Variants in TEPSIN observed in about 807,000 individuals in gnomAD.
The protein encoded by TEPSIN is AP-4 complex accessory subunit tepsin.
TEPSIN carries 50 observed loss-of-function variants against 48.5 expected under a neutral mutation model. The ratio of observed to expected loss-of-function variants is 1.03; its 90% CI spans 0.82 to 1.31. The LOEUF (loss-of-function observed/expected upper bound fraction) is 1.31, where lower values mean the gene tolerates loss of function less well. Among genes scored for constraint, TEPSIN ranks in the 50% most tolerant of loss-of-function variants. The pLI, the probability that TEPSIN is intolerant of heterozygous loss-of-function variation, is 0.00. For missense variants in TEPSIN, 838 were observed against 815.9 expected, an observed-to-expected ratio of 1.03 and a Z score of -0.33; for synonymous variants, 392 against 358.8, an observed-to-expected ratio of 1.09 and a Z score of -1.05.
In TEPSIN at chr17:81,233,425, C is replaced by T. The variant is rs750136632; in HGVS notation, c.526+7G>A. 3.7e-6 allele frequency: 6 copies of T among 1,610,140 alleles called. No individual in the cohort carries two copies. In the African/African-American group the frequency reaches 6.7e-5, roughly 18 times the overall value. On this transcript the variant is annotated splice_region_variant and intron_variant, in intron 7 of 12. Transcript: ENST00000637944. The surrounding 1 kb of genome is among the most constrained non-coding windows in gnomAD (Gnocchi z 5.8). ...TGCCAGAGCCCATGCAGGCCCTCCC[C>T]ACTCACCCGTGCGGCCGTGTTCCTT...
intron 4 of TEPSIN, 79 bp downstream of exon 4, chr17:81,236,629 C>T (rs1293535356): frequency 9.1e-6 from 13 of 1,425,546 alleles, no homozygotes; most frequent in Non-Finnish European, 1.3e-5. Flanking sequence ...AGTCTTCCTT[C>T]TCAAACCTGG....
chr17:81,230,285 G>A lies in TEPSIN; in HGVS notation c.1233+259C>T, dbSNP rs1215160360. On this transcript the variant is annotated intron_variant, in intron 12 of 12. Transcript: ENST00000637944. This position sits in a 1 kb window ranked among gnomAD's most constrained non-coding sequence, Gnocchi z 4.2. ...ACAAGGGCAGGAACATTAAGGCAGC[G>A]GAGTCTGGGGGCTTCCAGGAATAGG... is the stretch of plus-strand genomic sequence containing the variant. 6 of 498,880 alleles carry A rather than the reference G, an allele frequency of 1.2e-5. No homozygotes were observed. Among genetic ancestry groups the A allele is most frequent in the South Asian group, 7.6e-5 (3 of 39,312 alleles). The allele number at this position is 498,880 out of a possible 1,614,324, so 30.9% of individuals were successfully genotyped here.
chr17:81,237,170 G>A lies in TEPSIN; in HGVS notation c.122-99C>T, dbSNP rs1252248033. ...GGCCTCTCAGTTCACGCTCCCTGGA[G>A]GCGCCTACTGGAGGCTCTGCCATCA... On this transcript the variant is annotated intron_variant, in intron 2 of 12. Coordinates refer to ENST00000637944, the MANE Select transcript of TEPSIN (RefSeq NM_001363764.2). 3.0e-6 allele frequency: 4 copies of A among 1,324,138 alleles called. No individual in the cohort carries two copies. In the African/African-American group the frequency reaches 4.4e-5, roughly 15 times the overall value. 82.0% of individuals were successfully genotyped at this position (1,324,138 alleles called of 1,614,324 possible). A position where few individuals can be genotyped will look rare whatever the true frequency, so the allele number is the denominator to read the frequency against.
In TEPSIN at chr17:81,230,972, A is replaced by C; in HGVS notation, c.1099-294T>G. ...GAGCCATGTCCTCCCCGGCTCCTGG[A>C]CAGACCCCAGCGAGAAGCACGTGAC... On this transcript the variant is annotated intron_variant, in intron 11 of 12. Transcript: ENST00000637944. This position sits in a 1 kb window ranked among gnomAD's most constrained non-coding sequence, Gnocchi z 4.2. The C allele has an allele frequency of 2.0e-6, 1 of 492,196 alleles. No homozygotes were observed. Among genetic ancestry groups the C allele is most frequent in the Non-Finnish European group, 3.6e-6 (1 of 276,494 alleles). The allele number at this position is 492,196 out of a possible 1,614,324, so 30.5% of individuals were successfully genotyped here.
chr17:81,231,767 G>C (rs1007100019), intron 9 of TEPSIN, 76 bp from the exon 10 acceptor site: 31 of 1,606,394 alleles, frequency 1.9e-5, no homozygotes, highest in Non-Finnish European at 2.4e-5. Context: ...GGGAGAACCT[G>C]GAGAGCAGGA....
At chr17:81,237,613 C>T (rs577639993) in intron 1 of TEPSIN, 154 bp from the exon 2 acceptor site, 3 of 774,898 alleles carry the variant, frequency 3.9e-6, no homozygotes, top group Non-Finnish European at 6.0e-6. Context: ...CTACTGGCCA[C>T]AGGGAGGCTG....
At chr17:81,231,168 A>C (rs1270444140) in intron 11 of TEPSIN, 1 of 583,414 alleles carries the variant, frequency 1.7e-6, no homozygotes, top group Non-Finnish European at 3.0e-6. Flanking sequence ...ACACGTGCAC[A>C]AGTGTGTACA....
Position 81,229,285 on chromosome 17 carries a change from T to A in TEPSIN, c.1425A>T (p.Ser475=). The change falls in exon 13 of 13, where the codon TCA becomes TCT. Residue 475 remains serine, a synonymous_variant. Transcript: ENST00000637944. ...GCACAGGGCTGGACGGCATCCCAGATGAGGGAGCAGGGCTCCGGGACGAGA... is the reference window on the plus strand; with the variant it reads ...GCACAGGGCTGGACGGCATCCCAGAAGAGGGAGCAGGGCTCCGGGACGAGA... ...TPVSSRSPAP[S]SGMPSSPVPT... is the part of the protein sequence containing the mutation. 1.3e-6 allele frequency: 2 copies of A among 1,568,614 alleles called. No homozygotes were observed. The highest frequency in any genetic ancestry group is 1.7e-6 in the Non-Finnish European group (2 of 1,158,174).
rs780032018 is a variant in TEPSIN, at chr17:81,234,040, C to T, written c.316G>A (p.Gly106Arg). 2 of 1,591,704 alleles carry T rather than the reference C, an allele frequency of 1.3e-6. No individual in the cohort carries two copies. The highest frequency in any genetic ancestry group is 2.3e-5 in the South Asian group (2 of 87,972). The change falls in exon 5 of 13, where the codon GGG (glycine) becomes AGG (arginine). Residue 106 changes from glycine to arginine, a missense_variant. By Grantham distance (125) the Gly-to-Arg change is moderately radical (BLOSUM62 -2). Coordinates refer to ENST00000637944, the MANE Select transcript of TEPSIN (RefSeq NM_001363764.2). The surrounding 1 kb of genome is among the most constrained non-coding windows in gnomAD (Gnocchi z 5.4). ...AFIQEAAAFA[G>R]PPDPLHGNSL... ...TTCCCGTGCAGAGGATCTGGGGGCC[C>T]TGCAAAAGCTGCAGAACAGAAAAGG...
chr17:81,237,037 G>A lies in TEPSIN; in HGVS notation c.156C>T (p.Cys52=), dbSNP rs772174624. 6.3e-7 allele frequency: 1 copy of A among 1,597,954 alleles called. No individual in the cohort carries two copies. The highest frequency in any genetic ancestry group is 1.1e-5 in the South Asian group (1 of 88,572). ...GGCGGCTCAGGAGGTACTCCAGCAG[G>A]CACTGGCTGCTGCCCGGAGACTCGT... is the stretch of plus-strand genomic sequence containing the variant. ...ISHESPGSSQ[C]LLEYLLSRLH... is the part of the protein sequence containing the mutation. Residue 52 remains cysteine (C), a synonymous_variant, in exon 3 of 13, where the codon TGC becomes TGT. Transcript: ENST00000637944.
Position 81,232,460 on chromosome 17 carries a change from G to A in TEPSIN, c.585C>T (p.Ser195=), listed in dbSNP as rs758083491. The change falls in exon 8 of 13, where the codon AGC becomes AGT. Residue 195 remains serine (S), a synonymous_variant. Coordinates refer to ENST00000637944, the MANE Select transcript of TEPSIN (RefSeq NM_001363764.2). ...TIQKAAEVVA[S]AMRPGPESPS... ...GACTCTCGGGCCCGGGGCGCATGGC[G>A]CTGGCCACCACCTCTGCGGCCTTCT... is the stretch of plus-strand genomic sequence containing the variant. 18 of 1,535,354 alleles carry A rather than the reference G, an allele frequency of 1.2e-5. No individual in the cohort carries two copies. In the South Asian group the frequency reaches 1.3e-4, roughly 11 times the overall value.
rs1335369479 is a variant in TEPSIN, at chr17:81,233,645, A to G, written c.447T>C (p.Pro149=). 1 of 1,599,602 alleles carries G rather than the reference A, an allele frequency of 6.3e-7. No homozygotes were observed. Among genetic ancestry groups the G allele is most frequent in the African/African-American group, 1.3e-5 (1 of 74,830 alleles). ...GTCCCCTCAGTCACCTACCTGTGGC[A>G]GGCGGGGTCCCCAGAGGCTGGGAGG... ...LAPSQPLGTP[P]ATGMGSQARP... The change falls in exon 6 of 13, where the codon CCT becomes CCC. Residue 149 remains proline, a synonymous_variant. Transcript: ENST00000637944. The surrounding 1 kb of genome is among the most constrained non-coding windows in gnomAD (Gnocchi z 5.8).
In TEPSIN at chr17:81,233,358, A is replaced by G. The variant is rs1410918206; in HGVS notation, c.526+74T>C. 1.9e-6 allele frequency: 3 copies of G among 1,542,584 alleles called. No homozygotes were observed. Among genetic ancestry groups the G allele is most frequent in the Non-Finnish European group, 1.8e-6 (2 of 1,139,678 alleles). On this transcript the variant is annotated intron_variant, in intron 7 of 12. Coordinates refer to ENST00000637944, the MANE Select transcript of TEPSIN (RefSeq NM_001363764.2). The surrounding 1 kb of genome is among the most constrained non-coding windows in gnomAD (Gnocchi z 5.8). Reference sequence around the variant, plus strand: ...GACAGCAGCTACTAGATGGGGCGGCATGGTCCGGCCCCCACCACCTCCTCA... The same window carrying G: ...GACAGCAGCTACTAGATGGGGCGGCGTGGTCCGGCCCCCACCACCTCCTCA...
At chr17:81,235,527 A>G (rs2062705334) in intron 4 of TEPSIN, among the ~76,000 whole-genome samples, 1 of 152,178 alleles carries the variant, frequency 6.6e-6, no homozygotes, top group South Asian at 2.1e-4. Flanking sequence ...TGGTGCCGAC[A>G]AGAACCCAGG....
rs1053199896 is a variant in TEPSIN at position 81,234,659 on chromosome 17, G to A, written c.308-611C>T. On this transcript the variant is annotated intron_variant, in intron 4 of 12. Coordinates refer to ENST00000637944, the MANE Select transcript of TEPSIN (RefSeq NM_001363764.2). The surrounding 1 kb of genome is among the most constrained non-coding windows in gnomAD (Gnocchi z 5.4). The stretch of plus-strand genomic sequence containing the variant: ...GCGAATCCACTCACGCCCCTCGGCC[G>A]TCTACCTCCACCCTGGCAGGCTGGT... Among the ~76,000 whole-genome samples the A allele has an allele frequency of 2.6e-5, 4 of 152,004 alleles. No individual in the cohort carries two copies. Among genetic ancestry groups the A allele is most frequent in the Non-Finnish European group, 5.9e-5 (4 of 67,996 alleles).
Position 81,234,368 on chromosome 17 carries a change from G to A in TEPSIN, c.308-320C>T. ...ACTCTCCCTGCCCCAGGTGCACCAG[G>A]GACCCCTCAGAGGCTTCCGGGGCCT... On this transcript the variant is annotated intron_variant, in intron 4 of 12. Coordinates refer to ENST00000637944, the MANE Select transcript of TEPSIN (RefSeq NM_001363764.2). The surrounding 1 kb of genome is among the most constrained non-coding windows in gnomAD (Gnocchi z 5.4). 3.6e-6 allele frequency: 1 copy of A among 278,006 alleles called. No individual in the cohort carries two copies. Among genetic ancestry groups the A allele is most frequent in the African/African-American group, 2.2e-5 (1 of 45,606 alleles). 17.2% of individuals were successfully genotyped at this position (278,006 alleles called of 1,614,324 possible).
At position 81,233,926 on chromosome 17, in the gene TEPSIN, C is replaced by T. The variant is rs2062673297; in HGVS notation, c.375+55G>A. 1 of 1,546,054 alleles carries T rather than the reference C, an allele frequency of 6.5e-7. No individual in the cohort carries two copies. Among genetic ancestry groups the T allele is most frequent in the Non-Finnish European group, 8.7e-7 (1 of 1,148,400 alleles). On this transcript the variant is annotated intron_variant, in intron 5 of 12. Transcript: ENST00000637944. This position sits in a 1 kb window ranked among gnomAD's most constrained non-coding sequence, Gnocchi z 5.8. Reference sequence around the variant, plus strand: ...CCAGCTGACATCCTGGCCCCAATCCCACCCCTCTACAGGAGGAGGGGCACC... The same window carrying T: ...CCAGCTGACATCCTGGCCCCAATCCTACCCCTCTACAGGAGGAGGGGCACC...
intron 3 of TEPSIN, 83 bp from the exon 4 acceptor site, chr17:81,236,884 A>G: frequency 1.3e-6 from 2 of 1,533,952 alleles, no homozygotes; most frequent in Non-Finnish European, 1.8e-6. Flanking sequence ...CCAAGGGCAC[A>G]GAGCTGCCTG....
At position 81,229,096 on chromosome 17, in the gene TEPSIN, C is replaced by T. The variant is rs776863635; in HGVS notation, c.1614G>A (p.Leu538=). 1.2e-6 allele frequency: 2 copies of T among 1,613,594 alleles called. No individual in the cohort carries two copies. The highest frequency in any genetic ancestry group is 4.5e-5 in the East Asian group (2 of 44,870). The change falls in exon 13 of 13, where the codon TTG becomes TTA. Residue 538 remains leucine, a synonymous_variant. Transcript: ENST00000637944. The part of the protein sequence containing the change: ...PSSCAWSRDS[L]FAGMELVACP... ...AGGCCACCAGCTCCATGCCAGCAAACAAGGAGTCGCGGCTCCACGCACAGC... is the reference window on the plus strand; with the variant it reads ...AGGCCACCAGCTCCATGCCAGCAAATAAGGAGTCGCGGCTCCACGCACAGC...
Sources: gnomAD v4.1 joint callset for allele counts (sites outside exome capture counted in the v4.1 genomes callset) on GRCh38, gnomAD v4.1.1 for gene constraint, Gnocchi (gnomAD v3.1) non-coding constraint, MANE v1.5 for transcripts, NCBI Gene and HGNC (gene_info 2026-07-23, HGNC 2026-07-21) for gene names.